Variants in TAFA1 observed in about 807,000 individuals in gnomAD.
TAFA1 encodes the protein chemokine-like protein TAFA-1.
TAFA1 carries 4 observed loss-of-function variants against 18.5 expected under a neutral mutation model. The ratio of observed to expected loss-of-function variants is 0.22; its 90% CI spans 0.11 to 0.49. TAFA1 has a LOEUF of 0.49. TAFA1 is among the 20% of genes least tolerant of loss of function. The pLI is 0.98. For missense variants in TAFA1, 147 were observed against 169.0 expected (o/e 0.87, Z 0.72); for synonymous variants, 56 against 55.2 (o/e 1.01, Z -0.06).
At chr3:68,362,751 G>A (rs1388558258) in intron 2 of TAFA1, among the ~76,000 whole-genome samples, 1 of 152,022 alleles carries the variant, frequency 6.6e-6, no homozygotes, top group East Asian at 1.9e-4. Context: ...CAAAAATCAG[G>A]GAGACAAGTG....
chr3:68,212,315 A>G (rs1247179327), intron 2 of TAFA1, among the ~76,000 whole-genome samples: 1 of 151,950 alleles, frequency 6.6e-6, no homozygotes, highest in Admixed American at 6.6e-5. Flanking sequence ...AAAAGGCCAG[A>G]TCACATAGTG....
intron 2 of TAFA1, among the ~76,000 whole-genome samples, chr3:68,235,613 A>G (rs372874308): frequency 1.3e-5 from 2 of 152,056 alleles, no homozygotes; most frequent in African/African-American, 4.8e-5. Flanking sequence ...TTTTCTCTGG[A>G]GGAGTCATTA....
intron 2 of TAFA1, among the ~76,000 whole-genome samples, chr3:68,358,401 A>C (rs1483388308): frequency 6.6e-6 from 1 of 151,924 alleles, no homozygotes; most frequent in Non-Finnish European, 1.5e-5. Context: ...CATTTCAACA[A>C]ATCTGAGGCA....
chr3:68,458,920 G>A (rs1559678131), intron 3 of TAFA1, among the ~76,000 whole-genome samples: 1 of 152,096 alleles, frequency 6.6e-6, no homozygotes, highest in Non-Finnish European at 1.5e-5. Context: ...ACTTTCGGGA[G>A]GTTTATTGAG....
At chr3:68,205,443 A>G (rs2066515074) in intron 2 of TAFA1, among the ~76,000 whole-genome samples, 1 of 151,794 alleles carries the variant, frequency 6.6e-6, no homozygotes, top group Non-Finnish European at 1.5e-5. Context: ...GTCCATCAGG[A>G]CTCTGTGACC....
intron 2 of TAFA1, among the ~76,000 whole-genome samples, chr3:68,347,663 A>G (rs1189701118): frequency 6.6e-6 from 1 of 152,254 alleles, no homozygotes; most frequent in African/African-American, 2.4e-5. Context: ...CAGATATTAG[A>G]CTGCATTTGG....
In TAFA1 at chr3:68,376,952, A is replaced by G. The variant is rs142609612; in HGVS notation, c.119-40328A>G. Among the ~76,000 whole-genome samples, 454 of 152,206 alleles carry G rather than the reference A, an allele frequency of 3.0e-3. 4 individuals are homozygous for G. The highest frequency in any genetic ancestry group is 0.01 in the African/African-American group (429 of 41,516). On this transcript the variant is annotated intron_variant, in intron 2 of 4. Transcript: ENST00000478136. ...AAGTGTTTGACAATTCCTCCTTCAC[A>G]TGCTCCTCTCTCTTCTACCACCTTG... is the stretch of plus-strand genomic sequence containing the variant.
chr3:68,000,108 A>C, upstream of TAFA1, among the ~76,000 whole-genome samples: 1 of 152,106 alleles, frequency 6.6e-6, no homozygotes, highest in African/African-American at 2.4e-5. Flanking sequence ...TATTTCTGTA[A>C]AGGCAGCTCA....
At chr3:68,409,524 T>C (rs770692981) in intron 2 of TAFA1, among the ~76,000 whole-genome samples, 2 of 152,106 alleles carry the variant, frequency 1.3e-5, no homozygotes, top group Non-Finnish European at 2.9e-5. Flanking sequence ...GTACTTGCTT[T>C]CTCTTCACAC....
At chr3:68,045,759 A>G (rs2106689493) in intron 2 of TAFA1, among the ~76,000 whole-genome samples, 1 of 152,286 alleles carries the variant, frequency 6.6e-6, no homozygotes, top group South Asian at 2.1e-4. Context: ...TTCTGTGACT[A>G]GATGATTTCT....
At chr3:68,287,593 C>T (rs1343359597) in intron 2 of TAFA1, among the ~76,000 whole-genome samples, 3 of 152,136 alleles carry the variant, frequency 2.0e-5, no homozygotes, top group Admixed American at 6.5e-5. Flanking sequence ...CTCTTCAGTC[C>T]TACTGACCTC....
chr3:68,427,720 C>T (rs1481216732), intron 3 of TAFA1, among the ~76,000 whole-genome samples: 1 of 151,880 alleles, frequency 6.6e-6, no homozygotes, highest in African/African-American at 2.4e-5. Flanking sequence ...GCTGTGTCCC[C>T]ACCCAAATCT....
intron 2 of TAFA1, among the ~76,000 whole-genome samples, chr3:68,220,553 C>A (rs1200202137): frequency 6.6e-6 from 1 of 152,040 alleles, no homozygotes; most frequent in Non-Finnish European, 1.5e-5. Context: ...TTCCGATTTA[C>A]AGCTCTGTCC....
At chr3:68,160,935 C>T (rs1173430370) in intron 2 of TAFA1, among the ~76,000 whole-genome samples, 12 of 152,084 alleles carry the variant, frequency 7.9e-5, no homozygotes, top group African/African-American at 2.4e-4. Flanking sequence ...ATGATCACAG[C>T]GTGTAGATTT....
intron 3 of TAFA1, among the ~76,000 whole-genome samples, chr3:68,489,659 G>A (rs1204816886): frequency 7.2e-5 from 11 of 152,116 alleles, no homozygotes; most frequent in Admixed American, 3.3e-4. Flanking sequence ...CTACAAAAGC[G>A]ATGATAAGTA....
At chr3:68,492,007 A>G (rs73092863) in intron 3 of TAFA1, among the ~76,000 whole-genome samples, 3,550 of 152,272 alleles carry the variant, frequency 0.023, 60 homozygotes, top group Middle Eastern at 0.068. Context: ...ATTTAAGAAT[A>G]TGCCCTCGAT....
At chr3:68,108,817 G>A (rs1019539179) in intron 2 of TAFA1, among the ~76,000 whole-genome samples, 1 of 151,868 alleles carries the variant, frequency 6.6e-6, no homozygotes, top group Non-Finnish European at 1.5e-5. Context: ...ATATGTAAAT[G>A]AAATACTAAA....
At chr3:68,073,194 G>A (rs1237620454) in intron 2 of TAFA1, among the ~76,000 whole-genome samples, 1 of 152,092 alleles carries the variant, frequency 6.6e-6, no homozygotes, top group African/African-American at 2.4e-5. Context: ...TGGGTTTCTT[G>A]GAGGATTACT....
intron 2 of TAFA1, among the ~76,000 whole-genome samples, chr3:68,048,036 G>A (rs2064413799): frequency 6.6e-6 from 1 of 152,054 alleles, no homozygotes; most frequent in Non-Finnish European, 1.5e-5. Context: ...TCAACCCAGA[G>A]CCTAGACATC....
Sources: gnomAD v4.1 joint callset for allele counts (sites outside exome capture counted in the v4.1 genomes callset) on GRCh38, gnomAD v4.1.1 for gene constraint, MANE v1.5 for transcripts, NCBI Gene and HGNC (gene_info 2026-07-23, HGNC 2026-07-21) for gene names.